Variants in NKAIN2 observed in about 807,000 individuals in gnomAD.
NKAIN2 encodes the protein sodium/potassium transporting ATPase interacting 2, also known as sodium/potassium-transporting ATPase subunit beta-1-interacting protein 2.
NKAIN2 carries 14 observed loss-of-function variants against 32.6 expected under a neutral mutation model. That is an observed-to-expected ratio of 0.43 (90% CI 0.28 to 0.67). The LOEUF (loss-of-function observed/expected upper bound fraction) is 0.67. Ranked by LOEUF, NKAIN2 falls within the 30% of genes least tolerant of loss-of-function variation. NKAIN2 has a pLI of 0.17. For synonymous variants in NKAIN2, 80 were observed against 87.2 expected, an observed-to-expected ratio of 0.92 and a Z score of 0.46; for missense variants, 198 against 258.3, an observed-to-expected ratio of 0.77 and a Z score of 1.60.
intron 3 of NKAIN2, among the ~76,000 whole-genome samples, chr6:124,494,799 T>C (rs1210121285): frequency 1.3e-5 from 2 of 152,108 alleles, no homozygotes; most frequent in African/African-American, 4.8e-5. Context: ...GGTGCTTTGA[T>C]TGAAAAATTC....
At chr6:124,658,494 G>C (rs1464088479) in intron 4 of NKAIN2, 108 bp downstream of exon 4, 1 of 1,552,830 alleles carries the variant, frequency 6.4e-7, no homozygotes, top group Non-Finnish European at 8.7e-7. Flanking sequence ...TGGCCTTTTT[G>C]CTTTTTCCTC....
intron 1 of NKAIN2, among the ~76,000 whole-genome samples, chr6:124,020,863 A>G (rs1264264162): frequency 2.6e-5 from 4 of 152,182 alleles, no homozygotes; most frequent in Non-Finnish European, 4.4e-5. Context: ...TAAAGAAGAC[A>G]TAAACAGATG....
At chr6:124,815,144 A>G (rs1443322204) in intron 5 of NKAIN2, among the ~76,000 whole-genome samples, 1 of 150,512 alleles carries the variant, frequency 6.6e-6, no homozygotes, top group Non-Finnish European at 1.5e-5. Context: ...ATTTAGTCTC[A>G]TTGTCAACAA....
At chr6:124,112,578 T>C (rs1464010117) in intron 1 of NKAIN2, among the ~76,000 whole-genome samples, 1 of 152,140 alleles carries the variant, frequency 6.6e-6, no homozygotes, top group African/African-American at 2.4e-5. Flanking sequence ...GTTCTTTGGA[T>C]TTGTGGATAT....
Position 124,823,379 on chromosome 6 carries a change from GACACACAC to G in NKAIN2, c.*163_*170del. On this transcript the variant is annotated 3_prime_UTR_variant, in exon 7 of 7. Transcript: ENST00000368417. ...ATGCAAAGCCTCTACATACAACACT[GACACACAC>G]ACACACACACACGTGAGCACGCACA... The G allele has an allele frequency of 5.1e-6, 3 of 587,102 alleles. No individual in the cohort carries two copies. Among genetic ancestry groups the G allele is most frequent in the South Asian group, 2.0e-5 (1 of 49,324 alleles). 36.4% of individuals were successfully genotyped at this position (587,102 alleles called of 1,614,324 possible). A position where few individuals can be genotyped will look rare whatever the true frequency, so the allele number is the denominator to read the frequency against.
At chr6:124,439,742 A>T (rs562817648) in intron 3 of NKAIN2, among the ~76,000 whole-genome samples, 1 of 152,152 alleles carries the variant, frequency 6.6e-6, no homozygotes, top group South Asian at 2.1e-4. Context: ...TATCACATGA[A>T]TTATAAACTG....
chr6:124,332,760 G>A (rs537758543), intron 2 of NKAIN2, among the ~76,000 whole-genome samples: 1 of 152,324 alleles, frequency 6.6e-6, no homozygotes, highest in Admixed American at 6.5e-5. Flanking sequence ...GAGACATTCT[G>A]TTTGTTGCTA....
chr6:124,389,381 C>T (rs369181944), intron 3 of NKAIN2, among the ~76,000 whole-genome samples: 10 of 152,026 alleles, frequency 6.6e-5, no homozygotes, highest in African/African-American at 1.4e-4. Flanking sequence ...TTTCATAATG[C>T]CCTGCTGGGT....
intron 3 of NKAIN2, among the ~76,000 whole-genome samples, chr6:124,474,207 C>T (rs938970448): frequency 6.6e-6 from 1 of 151,894 alleles, no homozygotes; most frequent in African/African-American, 2.4e-5. Context: ...AAAAAAAATA[C>T]ACCTTTTCAA....
chr6:124,458,812 T>C (rs1583283842), intron 3 of NKAIN2, among the ~76,000 whole-genome samples: 2 of 151,894 alleles, frequency 1.3e-5, no homozygotes, highest in Admixed American at 6.6e-5. Flanking sequence ...ATGTGTAAAC[T>C]TGACCTTTCC....
intron 1 of NKAIN2, among the ~76,000 whole-genome samples, chr6:124,193,423 A>G (rs1790130945): frequency 6.6e-6 from 1 of 152,144 alleles, no homozygotes; most frequent in African/African-American, 2.4e-5. Context: ...GTGCAGCTGC[A>G]CCAGGCATAC....
intron 3 of NKAIN2, among the ~76,000 whole-genome samples, chr6:124,379,983 G>A (rs1262957333): frequency 6.6e-6 from 1 of 152,056 alleles, no homozygotes; most frequent in African/African-American, 2.4e-5. Flanking sequence ...TAGAAGGGAG[G>A]GAGACTTTTA....
At chr6:124,036,143 G>T (rs1034758456) in intron 1 of NKAIN2, among the ~76,000 whole-genome samples, 3 of 151,944 alleles carry the variant, frequency 2.0e-5, no homozygotes, top group African/African-American at 7.3e-5. Context: ...TTTCATAGCC[G>T]CAAAACCCAC....
rs545704677 is a variant in NKAIN2 at position 124,033,149 on chromosome 6, A to T, written c.54+228895A>T. On this transcript the variant is annotated intron_variant, in intron 1 of 6. Coordinates refer to ENST00000368417, the MANE Select transcript of NKAIN2 (RefSeq NM_001040214.3). The stretch of plus-strand genomic sequence containing the variant: ...AAATGATTCACAATATAAAAAGTTT[A>T]AAAAAATCACACAATGAATTCGCTA... Among the ~76,000 whole-genome samples, 17 of 152,116 alleles carry T rather than the reference A, an allele frequency of 1.1e-4. No homozygotes were observed. In the South Asian group the frequency reaches 2.9e-3, roughly 26 times the overall value.
chr6:124,780,179 GT>G (rs1779194894), intron 4 of NKAIN2, among the ~76,000 whole-genome samples: 1 of 152,178 alleles, frequency 6.6e-6, no homozygotes, highest in Non-Finnish European at 1.5e-5. Flanking sequence ...GGTGGGTGGT[GT>G]AAGGGTTGGG....
At chr6:123,965,988 C>T (rs1306429086) in intron 1 of NKAIN2, among the ~76,000 whole-genome samples, 2 of 152,182 alleles carry the variant, frequency 1.3e-5, no homozygotes, top group African/African-American at 4.8e-5. Context: ...GCTAGCTGGC[C>T]TGTCGTTCCC....
chr6:124,227,385 T>C (rs558909606), intron 1 of NKAIN2, among the ~76,000 whole-genome samples: 2 of 152,336 alleles, frequency 1.3e-5, no homozygotes, highest in East Asian at 3.9e-4. Flanking sequence ...AAAACTCTTC[T>C]AATATTGAAG....
intron 3 of NKAIN2, among the ~76,000 whole-genome samples, chr6:124,437,458 AT>A (rs1251247072): frequency 2.0e-5 from 3 of 152,156 alleles, no homozygotes; most frequent in African/African-American, 7.2e-5. Context: ...ATTTCATTTT[AT>A]TCTTTCTTTT....
At chr6:124,414,561 C>T (rs1774374119) in intron 3 of NKAIN2, among the ~76,000 whole-genome samples, 1 of 152,096 alleles carries the variant, frequency 6.6e-6, no homozygotes, top group African/African-American at 2.4e-5. Context: ...TTCTGTAAGA[C>T]TGTTTATGGG....
Sources: gnomAD v4.1 joint callset for allele counts (sites outside exome capture counted in the v4.1 genomes callset) on GRCh38, gnomAD v4.1.1 for gene constraint, MANE v1.5 for transcripts, NCBI Gene and HGNC (gene_info 2026-07-23, HGNC 2026-07-21) for gene names.